ASTN2: variants seen among roughly 807,000 people sequenced by gnomAD.
ASTN2 encodes astrotactin-2.
In ASTN2, 54 loss-of-function variants were observed where a neutral mutation model predicts 139.8. The ratio of observed to expected loss-of-function variants is 0.39; its 90% CI spans 0.31 to 0.48. The LOEUF is 0.48. Ranked by LOEUF, ASTN2 falls within the 20% of genes least tolerant of loss-of-function variation. ASTN2 has a pLI of 0.95. For synonymous variants in ASTN2, 756 were observed against 719.5 expected (o/e 1.05, Z -0.81); for missense variants, 1,565 against 1,725.1 (o/e 0.91, Z 1.64).
chr9:116,513,933 C>A (rs1039666607), intron 19 of ASTN2, among the ~76,000 whole-genome samples: 2 of 151,734 alleles, frequency 1.3e-5, no homozygotes, highest in African/African-American at 2.4e-5. Flanking sequence ...ATCTTCTTTG[C>A]GATGGGTTCG....
At chr9:117,128,859 G>A (rs1460166533) in intron 4 of ASTN2, among the ~76,000 whole-genome samples, 1 of 152,186 alleles carries the variant, frequency 6.6e-6, no homozygotes, top group Non-Finnish European at 1.5e-5. Context: ...GATGGCAGCA[G>A]GCAAAGAGAG....
chr9:116,545,674 T>C (rs956840889), intron 19 of ASTN2: 3 of 144,278 alleles, frequency 2.1e-5, no homozygotes, highest in Admixed American at 1.4e-4. Flanking sequence ...GACCAATTTT[T>C]AGCAGAAAAA....
chr9:116,831,186 C>T (rs1831802546), intron 11 of ASTN2, among the ~76,000 whole-genome samples: 1 of 152,034 alleles, frequency 6.6e-6, no homozygotes, highest in Non-Finnish European at 1.5e-5. Context: ...ACACTGGAGA[C>T]TACAAAAGGT....
chr9:116,728,536 G>A lies in ASTN2; in HGVS notation c.2626+456C>T, dbSNP rs183490352. Among the ~76,000 whole-genome samples the A allele has an allele frequency of 9.2e-5, 14 of 152,210 alleles. 1 individual carries two copies. Among genetic ancestry groups the A allele is most frequent in the Non-Finnish European group, 1.8e-4 (12 of 68,006 alleles). On this transcript the variant is annotated intron_variant, in intron 15 of 22. Transcript: ENST00000313400. ...GTGGGTGGTGCATGTAAAGGGATGG[G>A]GGTGTGGGGGTTATATAAGATTTTT...
chr9:117,118,019 C>T (rs777707015), intron 4 of ASTN2, among the ~76,000 whole-genome samples: 7 of 151,990 alleles, frequency 4.6e-5, no homozygotes, highest in Admixed American at 6.6e-5. Flanking sequence ...ACAAACCCAA[C>T]GAGGAAAAAA....
intron 16 of ASTN2, among the ~76,000 whole-genome samples, chr9:116,680,063 CA>C (rs529338957): frequency 1.0e-3 from 154 of 152,052 alleles, no homozygotes; most frequent in African/African-American, 3.4e-3. Context: ...AAAAACCCTT[CA>C]AAAAATTAAT....
At chr9:117,354,553 A>G (rs1377228547) in intron 1 of ASTN2, among the ~76,000 whole-genome samples, 1 of 152,196 alleles carries the variant, frequency 6.6e-6, no homozygotes, top group East Asian at 1.9e-4. Context: ...TGCACTGAGT[A>G]AGTATCACAG....
intron 19 of ASTN2, chr9:116,562,004 C>A (rs1051843875): frequency 6.6e-6 from 1 of 152,128 alleles, no homozygotes; most frequent in Non-Finnish European, 1.5e-5. Flanking sequence ...CGCAGGCAAG[C>A]GGGAGGTAGA....
At position 116,906,996 on chromosome 9, in the gene ASTN2, T is replaced by A. The variant is rs377303908; in HGVS notation, c.1890-43263A>T. On this transcript the variant is annotated intron_variant, in intron 10 of 22. Transcript: ENST00000313400. ...TTACAGTAACAATTGCTAACCTTTA[T>A]TGAGCAACTATAATGTAATCTTTAC... 1.7e-3 allele frequency among the ~76,000 whole-genome samples: 264 copies of A among 152,344 alleles called. 3 individuals are homozygous for A. The South Asian group carries it at 0.017, about 10-fold the overall frequency.
At chr9:116,650,896 A>G (rs1857869457) in intron 17 of ASTN2, among the ~76,000 whole-genome samples, 1 of 150,384 alleles carries the variant, frequency 6.6e-6, no homozygotes, top group Non-Finnish European at 1.5e-5. Flanking sequence ...CAGCACAAGG[A>G]ACAGGCTGAG....
At chr9:117,332,245 T>G (rs1256811936) in intron 1 of ASTN2, among the ~76,000 whole-genome samples, 1 of 152,192 alleles carries the variant, frequency 6.6e-6, no homozygotes, top group African/African-American at 2.4e-5. Flanking sequence ...TTGCCACCCT[T>G]TATAGCATAA....
intron 3 of ASTN2, among the ~76,000 whole-genome samples, chr9:117,147,509 G>T (rs930500620): frequency 1.3e-5 from 2 of 151,766 alleles, no homozygotes; most frequent in Admixed American, 1.3e-4. Flanking sequence ...CACCCAGGAC[G>T]TTCCACCGAT....
intron 20 of ASTN2, among the ~76,000 whole-genome samples, chr9:116,475,387 C>G (rs746510454): frequency 1.3e-5 from 2 of 152,178 alleles, no homozygotes; most frequent in Non-Finnish European, 2.9e-5. Context: ...TTTGCCTCAT[C>G]CCTAACAGCT....
chr9:116,947,371 G>A (rs1029094751), intron 10 of ASTN2, among the ~76,000 whole-genome samples: 2 of 152,314 alleles, frequency 1.3e-5, no homozygotes, highest in South Asian at 4.1e-4. Context: ...CTGGGAAGAT[G>A]CTTTTTGCTT....
chr9:117,359,553 T>C (rs550677675), intron 1 of ASTN2, among the ~76,000 whole-genome samples: 14 of 152,296 alleles, frequency 9.2e-5, no homozygotes, highest in African/African-American at 2.9e-4. Flanking sequence ...GAAAGTACCA[T>C]CAAAATAAGA....
intron 5 of ASTN2, among the ~76,000 whole-genome samples, chr9:117,095,811 T>C (rs1243970010): frequency 2.0e-5 from 3 of 152,136 alleles, no homozygotes; most frequent in Non-Finnish European, 4.4e-5. Flanking sequence ...CAAAAACAAT[T>C]CACAGTATTT....
chr9:117,212,852 A>G (rs1832184834), intron 3 of ASTN2, among the ~76,000 whole-genome samples: 2 of 152,360 alleles, frequency 1.3e-5, no homozygotes, highest in South Asian at 2.1e-4. Flanking sequence ...AAACTAGTAC[A>G]GTCACTATAT....
intron 2 of ASTN2, among the ~76,000 whole-genome samples, chr9:117,233,499 A>C (rs1447267056): frequency 1.3e-5 from 2 of 152,176 alleles, no homozygotes; most frequent in Non-Finnish European, 1.5e-5. Flanking sequence ...TCTATGTATA[A>C]GCATATGTGT....
At chr9:117,046,645 G>C (rs10817984) in intron 5 of ASTN2, among the ~76,000 whole-genome samples, 25,728 of 152,146 alleles carry the variant, frequency 0.17, 2,628 homozygotes, top group Middle Eastern at 0.28. Flanking sequence ...TTCACACTTA[G>C]CTGCTGGCCC....
Sources: allele counts gnomAD v4.1 joint callset (sites outside exome capture counted in the v4.1 genomes callset), GRCh38; gene constraint gnomAD v4.1.1; transcripts MANE v1.5; gene names NCBI Gene and HGNC (gene_info 2026-07-23, HGNC 2026-07-21).